Variants in CASK observed in about 807,000 individuals in gnomAD.
CASK encodes calcium/calmodulin dependent serine protein kinase.
In CASK, 4 loss-of-function variants were observed where a neutral mutation model predicts 82.9. The ratio of observed to expected loss-of-function variants is 0.05; its 90% CI spans 0.02 to 0.11. The LOEUF (loss-of-function observed/expected upper bound fraction) is 0.11, where lower values mean the gene tolerates loss of function less well. Ranked by LOEUF, CASK falls within the 10% of genes least tolerant of loss-of-function variation. The pLI is 1.00. For missense variants in CASK, 358 were observed against 720.9 expected, an observed-to-expected ratio of 0.50 and a Z score of 5.76; for synonymous variants, 259 against 253.5, an observed-to-expected ratio of 1.02 and a Z score of -0.20.
At chrX:41,919,441 T>G (rs2072748125) in intron 1 of CASK, 1 of 112,380 alleles carries the variant, frequency 8.9e-6, no homozygotes, top group Non-Finnish European at 1.9e-5. Flanking sequence ...TCATACACAC[T>G]GCTGTACCAA....
chrX:41,766,130 T>C (rs1053429618), intron 3 of CASK, among the ~76,000 whole-genome samples: 2 of 111,979 alleles, frequency 1.8e-5, no homozygotes, highest in Non-Finnish European at 3.8e-5. Flanking sequence ...CTTAAATCTA[T>C]CTATATCAAG....
At chrX:41,871,736 A>C (rs2071711304) in intron 1 of CASK, among the ~76,000 whole-genome samples, 2 of 111,964 alleles carry the variant, frequency 1.8e-5, no homozygotes, top group African/African-American at 6.5e-5. Context: ...TAAACAAATA[A>C]ACAAAAAGAC....
rs59132988 is a variant in CASK, at chrX:41,842,795, T to C, written c.172+10320A>G. ...TTCACTTTAATATTAAGTCTTCTAG[T>C]AGGCAAACACGAGAGATCTTACCAT... On this transcript the variant is annotated intron_variant, in intron 2 of 26. Transcript: ENST00000378163. Among the ~76,000 whole-genome samples, 111 of 111,776 alleles carry C rather than the reference T, an allele frequency of 9.9e-4. No individual in the cohort carries two copies. The East Asian group carries it at 0.023, about 23-fold the overall frequency.
chrX:41,571,283 G>A (rs1344952465), intron 15 of CASK, among the ~76,000 whole-genome samples: 1 of 111,578 alleles, frequency 9.0e-6, no homozygotes, highest in African/African-American at 3.3e-5. Context: ...TACCAGTGAA[G>A]CCATCTTGAC....
At chrX:41,827,487 G>C (rs2070692206) in intron 2 of CASK, among the ~76,000 whole-genome samples, 1 of 111,755 alleles carries the variant, frequency 8.9e-6, no homozygotes. Context: ...TCTCTCTAAG[G>C]CATCTTTTAT....
chrX:41,789,224 T>C (rs921688802), intron 2 of CASK, among the ~76,000 whole-genome samples: 9 of 111,863 alleles, frequency 8.0e-5, no homozygotes, highest in African/African-American at 2.6e-4. Flanking sequence ...TCAGAAAATA[T>C]GGTGCTGGTC....
At chrX:41,805,568 G>A (rs1172721608) in intron 2 of CASK, among the ~76,000 whole-genome samples, 1 of 111,827 alleles carries the variant, frequency 8.9e-6, no homozygotes, top group Non-Finnish European at 1.9e-5. Context: ...AGGGACAAGG[G>A]TTACGCTTGA....
At chrX:41,644,717 A>G (rs1001147732) in intron 8 of CASK, among the ~76,000 whole-genome samples, 6 of 112,130 alleles carry the variant, frequency 5.4e-5, no homozygotes, top group Non-Finnish European at 1.1e-4. Flanking sequence ...TTTTCTCAGC[A>G]TGGAACGTCC....
rs1307732419 is a variant in CASK at position 41,561,628 on chromosome X, A to G, written c.1599T>C (p.Gly533=). The G allele has an allele frequency of 8.4e-7, 1 of 1,185,425 alleles. No individual in the cohort carries two copies. The highest frequency in any genetic ancestry group is 3.0e-5 in the East Asian group (1 of 33,717). Residue 533 remains glycine, a synonymous_variant, in exon 17 of 27, where the codon GGT becomes GGC. Coordinates refer to ENST00000378163, the MANE Select transcript of CASK (RefSeq NM_001367721.1). ...MIHRQGTLHV[G]DEIREINGIS... ...TGCCATTGATTTCTCGAATTTCATC[A>G]CCAACATGAAGTGTACCTAAGAAAT...
intron 5 of CASK, among the ~76,000 whole-genome samples, chrX:41,687,595 G>A (rs1363170645): frequency 9.0e-6 from 1 of 111,296 alleles, no homozygotes. Context: ...TTTGCACGAT[G>A]AAAAACTTCT....
At chrX:41,695,440 C>T (rs769929438) in intron 5 of CASK, 3 of 379,815 alleles carry the variant, frequency 7.9e-6, no homozygotes, top group Non-Finnish European at 1.4e-5. Context: ...TGTAGCCTCC[C>T]GAGTAGCTAG....
intron 15 of CASK, among the ~76,000 whole-genome samples, chrX:41,574,037 T>C (rs1452538682): frequency 1.8e-5 from 2 of 111,332 alleles, no homozygotes; most frequent in Non-Finnish European, 3.8e-5. Context: ...TTTTTTTCCA[T>C]CCAAAGTGGA....
Position 41,518,969 on chromosome X carries a change from AG to A in CASK, c.*1450del, listed in dbSNP as rs1316917550. The A allele has an allele frequency of 1.8e-5, 2 of 111,508 alleles. No homozygotes were observed. Among genetic ancestry groups the A allele is most frequent in the Non-Finnish European group, 3.8e-5 (2 of 53,118 alleles). 9.2% of individuals were successfully genotyped at this position (111,508 alleles called of 1,213,427 possible). A position where few individuals can be genotyped will look rare whatever the true frequency, so the allele number is the denominator to read the frequency against. ...CCCCTGTGCCAAGGGATACAGCAAGAGGAAGGAGAGACCACAGGTGGCCTCC... is the reference window on the plus strand; with the variant it reads ...CCCCTGTGCCAAGGGATACAGCAAGAGAAGGAGAGACCACAGGTGGCCTCC... On this transcript the variant is annotated 3_prime_UTR_variant, in exon 27 of 27. Transcript: ENST00000378163.
chrX:41,577,339 G>C (rs1031818492), intron 15 of CASK, among the ~76,000 whole-genome samples: 1 of 111,708 alleles, frequency 9.0e-6, no homozygotes, highest in African/African-American at 3.3e-5. Flanking sequence ...CTCAAGTTCA[G>C]AGTTCCATCA....
In CASK at chrX:41,819,026, C is replaced by T. The variant is rs747552949; in HGVS notation, c.173-31743G>A. On this transcript the variant is annotated intron_variant, in intron 2 of 26. Coordinates refer to ENST00000378163, the MANE Select transcript of CASK (RefSeq NM_001367721.1). ...CAAAAGTACAATTCATAAAACAATA[C>T]GTCGACAAATTGGACTTTATTAAAA... Among the ~76,000 whole-genome samples, 59 of 111,397 alleles carry T rather than the reference C, an allele frequency of 5.3e-4. 1 individual carries two copies. The highest frequency in any genetic ancestry group is 2.9e-3 in the Admixed American group (30 of 10,488).
At chrX:41,840,880 C>A (rs1210178310) in intron 2 of CASK, among the ~76,000 whole-genome samples, 1 of 111,778 alleles carries the variant, frequency 8.9e-6, no homozygotes, top group South Asian at 3.7e-4. Flanking sequence ...CCTTTAATTC[C>A]TTTTTAAGGT....
intron 5 of CASK, among the ~76,000 whole-genome samples, chrX:41,721,489 C>T: frequency 9.0e-6 from 1 of 111,204 alleles, no homozygotes; most frequent in Middle Eastern, 4.6e-3. Context: ...GTTTCTGCTA[C>T]CTCAAGTCTA....
intron 10 of CASK, among the ~76,000 whole-genome samples, chrX:41,626,242 G>A (rs1369666638): frequency 9.0e-6 from 1 of 110,972 alleles, no homozygotes; most frequent in East Asian, 2.8e-4. Context: ...CTGGGGAAAA[G>A]CTTATATTAG....
intron 18 of CASK, chrX:41,559,468 C>A: frequency 3.6e-6 from 1 of 278,746 alleles, no homozygotes; most frequent in Non-Finnish European, 6.4e-6. Context: ...GCAATTATGG[C>A]CTTTAGTTTT....
Sources: gnomAD v4.1 joint callset for allele counts (sites outside exome capture counted in the v4.1 genomes callset) on GRCh38, gnomAD v4.1.1 for gene constraint, MANE v1.5 for transcripts, NCBI Gene and HGNC (gene_info 2026-07-23, HGNC 2026-07-21) for gene names.